The following RELN variants were observed in gnomAD, a reference collection of about 807,000 sequenced individuals.
RELN encodes reelin.
Under a neutral mutation model 427.6 loss-of-function variants are expected in RELN, and 108 were observed. The observed-to-expected ratio is 0.25, with a 90% CI of 0.22 to 0.30. The LOEUF is 0.30. Among genes scored for constraint, RELN ranks in the 10% least tolerant of loss-of-function variants. The probability of loss-of-function intolerance (pLI) is 1.00; values close to 1 mark genes in which losing one functional copy is unlikely to be tolerated. For missense variants in RELN, 3,715 were observed against 4,302.8 expected (o/e 0.86, Z 3.82); for synonymous variants, 1,524 against 1,513.4 (o/e 1.01, Z -0.16).
chr7:103,907,708 T>C (rs1226363336), intron 2 of RELN, among the ~76,000 whole-genome samples: 1 of 151,930 alleles, frequency 6.6e-6, no homozygotes, highest in East Asian at 1.9e-4. Flanking sequence ...TTTTATAGTA[T>C]GTAAATTATA....
At chr7:103,832,490 C>T (rs534615244) in intron 3 of RELN, among the ~76,000 whole-genome samples, 1 of 152,166 alleles carries the variant, frequency 6.6e-6, no homozygotes, top group Non-Finnish European at 1.5e-5. Flanking sequence ...TAGGAAGTGA[C>T]AAATGAGAAA....
chr7:103,784,320 T>C (rs975197656), intron 3 of RELN, among the ~76,000 whole-genome samples: 1 of 152,062 alleles, frequency 6.6e-6, no homozygotes, highest in African/African-American at 2.4e-5. Context: ...ACTTTATGAG[T>C]AAAGTCAAAT....
chr7:103,586,979 T>C (rs1257801449), intron 28 of RELN, among the ~76,000 whole-genome samples: 1 of 152,202 alleles, frequency 6.6e-6, no homozygotes, highest in Non-Finnish European at 1.5e-5. Context: ...ACAGATGCAA[T>C]GTAATTCCTA....
chr7:103,550,080 A>T (rs1012327089), intron 41 of RELN, among the ~76,000 whole-genome samples: 1 of 152,230 alleles, frequency 6.6e-6, no homozygotes, highest in Non-Finnish European at 1.5e-5. Context: ...TCCTGGCATA[A>T]TCGCAAGAAT....
chr7:103,819,806 A>G (rs897190379), intron 3 of RELN, among the ~76,000 whole-genome samples: 1 of 152,088 alleles, frequency 6.6e-6, no homozygotes, highest in Non-Finnish European at 1.5e-5. Flanking sequence ...AGAATTAAAA[A>G]TCACTGATCA....
chr7:103,773,238 C>CCTAT (rs1791636047), intron 4 of RELN, among the ~76,000 whole-genome samples: 1 of 56,824 alleles, frequency 1.8e-5, no homozygotes, highest in East Asian at 4.9e-4. Context: ...TCGCTCCCTC[C>CCTAT]CTGTCTCTCT....
intron 46 of RELN, 113 bp downstream of exon 46, chr7:103,535,203 T>C: frequency 1.0e-6 from 1 of 955,724 alleles, no homozygotes; most frequent in Non-Finnish European, 1.7e-6. Flanking sequence ...GGCAATACCA[T>C]TAGCAATTAA....
intron 8 of RELN, among the ~76,000 whole-genome samples, chr7:103,706,694 A>G (rs1325183127): frequency 6.6e-6 from 1 of 151,390 alleles, no homozygotes; most frequent in Non-Finnish European, 1.5e-5. Flanking sequence ...ACATATTAGG[A>G]TGGGTCTATG....
At chr7:103,869,476 T>C (rs772508166) in intron 2 of RELN, among the ~76,000 whole-genome samples, 13 of 152,090 alleles carry the variant, frequency 8.5e-5, no homozygotes, top group Non-Finnish European at 1.6e-4. Flanking sequence ...CAGCTTTCAC[T>C]TATTCAAAAA....
intron 2 of RELN, among the ~76,000 whole-genome samples, chr7:103,848,038 G>C (rs1342038614): frequency 6.6e-6 from 1 of 152,202 alleles, no homozygotes; most frequent in Non-Finnish European, 1.5e-5. Context: ...AGGTTATTTA[G>C]ATATAACATT....
In RELN at chr7:103,573,915, T is replaced by C. The variant is rs1399695462; in HGVS notation, c.4511+177A>G. Among the ~76,000 whole-genome samples, 1 of 152,246 alleles carries C rather than the reference T, an allele frequency of 6.6e-6. No individual in the cohort carries two copies. Among genetic ancestry groups the C allele is most frequent in the African/African-American group, 2.4e-5 (1 of 41,470 alleles). ...TTTATGAATTGCAGCATGGTCTTTG[T>C]AGAAACCACCTATTTTATTCCAAAG... is the stretch of plus-strand genomic sequence containing the variant. On this transcript the variant is annotated intron_variant, in intron 30 of 64. Coordinates refer to ENST00000428762, the MANE Select transcript of RELN (RefSeq NM_005045.4). This position sits in a 1 kb window ranked among gnomAD's most constrained non-coding sequence, Gnocchi z 4.4.
intron 3 of RELN, among the ~76,000 whole-genome samples, chr7:103,776,966 G>A (rs1288678032): frequency 2.6e-5 from 4 of 152,192 alleles, no homozygotes; most frequent in Non-Finnish European, 5.9e-5. Flanking sequence ...AAAATGTTTT[G>A]TGGAGCAATA....
chr7:103,897,030 C>T (rs554103603), intron 2 of RELN, among the ~76,000 whole-genome samples: 2 of 151,908 alleles, frequency 1.3e-5, no homozygotes, highest in Non-Finnish European at 2.9e-5. Flanking sequence ...GGCAAGAAAG[C>T]TTGTGTAGGG....
At chr7:103,650,511 T>G in intron 15 of RELN, 128 bp from the exon 16 acceptor site, 3 of 723,946 alleles carry the variant, frequency 4.1e-6, no homozygotes. Flanking sequence ...ATAAACTCTT[T>G]AAATTCACTT....
chr7:103,553,950 C>G, intron 38 of RELN, 119 bp from the exon 39 acceptor site: 1 of 802,966 alleles, frequency 1.2e-6, no homozygotes, highest in East Asian at 2.6e-5. Context: ...AAACATATGC[C>G]TTCTACAGGA....
intron 60 of RELN, among the ~76,000 whole-genome samples, chr7:103,488,462 C>T (rs553173195): frequency 1.4e-4 from 22 of 152,288 alleles, no homozygotes; most frequent in Middle Eastern, 6.8e-3. Context: ...CAGCCGGTCT[C>T]AGTGACAATG....
chr7:103,955,086 A>G (rs1412783058), intron 1 of RELN, among the ~76,000 whole-genome samples: 32 of 152,342 alleles, frequency 2.1e-4, no homozygotes, highest in Non-Finnish European at 1.9e-4. Flanking sequence ...TCAAAGGCAG[A>G]TCCAACAGAA....
In RELN at chr7:103,603,125, T is replaced by C. The variant is rs1420798196; in HGVS notation, c.3333+179A>G. Among the ~76,000 whole-genome samples the C allele has an allele frequency of 1.3e-5, 2 of 152,036 alleles. No homozygotes were observed. The highest frequency in any genetic ancestry group is 4.8e-5 in the African/African-American group (2 of 41,408). On this transcript the variant is annotated intron_variant, in intron 24 of 64. Transcript: ENST00000428762. The surrounding 1 kb of genome is among the most constrained non-coding windows in gnomAD (Gnocchi z 4.3). ...ATTTTTTAGTAACCAAAAAGAGTAA[T>C]AAAAAGAACAACAAGAATTTCCCAA...
At chr7:103,666,462 T>G (rs1833270185) in intron 11 of RELN, among the ~76,000 whole-genome samples, 1 of 152,148 alleles carries the variant, frequency 6.6e-6, no homozygotes, top group African/African-American at 2.4e-5. Context: ...TTTAAATCAT[T>G]TAATCATATT....
Sources: allele counts gnomAD v4.1 joint callset (sites outside exome capture counted in the v4.1 genomes callset), GRCh38; gene constraint gnomAD v4.1.1; non-coding constraint Gnocchi (gnomAD v3.1); transcripts MANE v1.5; gene names NCBI Gene and HGNC (gene_info 2026-07-23, HGNC 2026-07-21).